The following LARGE1 variants were observed in gnomAD, a reference collection of about 807,000 sequenced individuals.
LARGE1 encodes the protein LARGE xylosyl- and glucuronyltransferase 1, also known as xylosyl- and glucuronyltransferase LARGE1.
Under a neutral mutation model 87.6 loss-of-function variants are expected in LARGE1, and 43 were observed. The observed-to-expected ratio is 0.49, with a 90% CI of 0.38 to 0.63. The LOEUF is 0.63. Ranked by LOEUF, LARGE1 falls within the 30% of genes least tolerant of loss-of-function variation. LARGE1 has a pLI of 0.00. For synonymous variants in LARGE1, 434 were observed against 394.6 expected, an observed-to-expected ratio of 1.10 and a Z score of -1.18; for missense variants, 802 against 1,000.2, an observed-to-expected ratio of 0.80 and a Z score of 2.67.
At chr22:33,703,979 G>T (rs1235077366) in intron 2 of LARGE1, among the ~76,000 whole-genome samples, 1 of 152,216 alleles carries the variant, frequency 6.6e-6, no homozygotes, top group Non-Finnish European at 1.5e-5. Context: ...CAAGTCATGG[G>T]AGGATCTGTG....
At chr22:33,327,788 C>G (rs940482502) in intron 10 of LARGE1, among the ~76,000 whole-genome samples, 1 of 152,170 alleles carries the variant, frequency 6.6e-6, no homozygotes, top group African/African-American at 2.4e-5. Flanking sequence ...AGTGATCTTC[C>G]TGCCTCAGCC....
intron 5 of LARGE1, among the ~76,000 whole-genome samples, chr22:33,586,051 T>C (rs1388790153): frequency 6.6e-6 from 1 of 152,210 alleles, no homozygotes; most frequent in Non-Finnish European, 1.5e-5. Context: ...GGAGTTTGGG[T>C]TGGATCACGT....
At chr22:33,849,674 C>G (rs1298061963) in intron 1 of LARGE1, among the ~76,000 whole-genome samples, 1 of 139,358 alleles carries the variant, frequency 7.2e-6, no homozygotes, top group East Asian at 2.2e-4. Context: ...TCTTGGCTCA[C>G]TGCAACCTCT....
At chr22:33,884,562 C>A (rs1388063101) in intron 1 of LARGE1, among the ~76,000 whole-genome samples, 1 of 152,220 alleles carries the variant, frequency 6.6e-6, no homozygotes, top group South Asian at 2.1e-4. Flanking sequence ...CTGTGGGAGA[C>A]CGGGCAAGAC....
chr22:33,389,441 G>T (rs868350912), intron 7 of LARGE1, among the ~76,000 whole-genome samples: 1 of 152,214 alleles, frequency 6.6e-6, no homozygotes, highest in Non-Finnish European at 1.5e-5. Flanking sequence ...TGATTTTGTT[G>T]GCACTTGTCA....
intron 1 of LARGE1, among the ~76,000 whole-genome samples, chr22:33,840,526 T>C (rs2063250150): frequency 6.6e-6 from 1 of 152,316 alleles, no homozygotes; most frequent in South Asian, 2.1e-4. Context: ...TGTGAAAGGT[T>C]CTAGCATCTT....
chr22:33,253,015 G>A (rs951307194), intron 11 of LARGE1, among the ~76,000 whole-genome samples: 58 of 152,150 alleles, frequency 3.8e-4, no homozygotes, highest in African/African-American at 1.4e-3. Flanking sequence ...CCATTAGAAT[G>A]GGGAGATTAT....
chr22:33,512,775 C>T (rs1312789913), intron 6 of LARGE1, among the ~76,000 whole-genome samples: 1 of 152,144 alleles, frequency 6.6e-6, no homozygotes, highest in Admixed American at 6.5e-5. Flanking sequence ...TACACTCCAG[C>T]CTAGGTGACA....
At chr22:33,512,056 T>C (rs1280889595) in intron 6 of LARGE1, among the ~76,000 whole-genome samples, 1 of 152,190 alleles carries the variant, frequency 6.6e-6, no homozygotes, top group Non-Finnish European at 1.5e-5. Flanking sequence ...AAAATTAATG[T>C]CATAGAACTT....
intron 9 of LARGE1, among the ~76,000 whole-genome samples, chr22:33,373,848 C>G (rs2064902900): frequency 6.6e-6 from 1 of 151,790 alleles, no homozygotes; most frequent in South Asian, 2.1e-4. Flanking sequence ...GTGGCACGCG[C>G]TTGTAGTTCC....
chr22:33,518,201 C>G (rs1240683676), intron 6 of LARGE1, among the ~76,000 whole-genome samples: 1 of 152,248 alleles, frequency 6.6e-6, no homozygotes, highest in African/African-American at 2.4e-5. Context: ...AGGAACTCAT[C>G]TGTGTGTCAC....
intron 1 of LARGE1, among the ~76,000 whole-genome samples, chr22:33,866,286 T>C (rs1364120846): frequency 6.6e-6 from 1 of 152,208 alleles, no homozygotes; most frequent in Non-Finnish European, 1.5e-5. Context: ...AGAGACAGCA[T>C]ATAGGGGGCT....
chr22:33,436,644 A>G (rs1186037740), intron 6 of LARGE1: 1 of 153,014 alleles, frequency 6.5e-6, no homozygotes, highest in Non-Finnish European at 1.5e-5. Flanking sequence ...GGTGACAGAT[A>G]ACTCCTTCCA....
intron 12 of LARGE1, among the ~76,000 whole-genome samples, chr22:33,303,815 G>GGT (rs1555892185): frequency 2.0e-5 from 3 of 150,892 alleles, no homozygotes; most frequent in African/African-American, 4.9e-5. Flanking sequence ...AGTAGGGGGG[G>GGT]GGTTTCACCA....
intron 1 of LARGE1, among the ~76,000 whole-genome samples, chr22:33,827,178 C>T (rs5999114): frequency 1.2e-3 from 183 of 150,962 alleles, no homozygotes; most frequent in African/African-American, 4.0e-3. Context: ...CTAGCTAACA[C>T]GGTGAAACCC....
At chr22:33,453,560 A>G (rs1481368291) in intron 6 of LARGE1, among the ~76,000 whole-genome samples, 2 of 152,222 alleles carry the variant, frequency 1.3e-5, no homozygotes, top group African/African-American at 4.8e-5. Flanking sequence ...AGCTACAGTC[A>G]GTGAGATAAT....
intron 3 of LARGE1, 24 bp from the exon 4 acceptor site, chr22:33,626,350 G>A (rs1180762980): frequency 1.1e-5 from 18 of 1,597,878 alleles, no homozygotes; most frequent in Non-Finnish European, 1.5e-5. Context: ...AAGACGGGGT[G>A]AGCAGTCAGA....
At chr22:33,304,083 G>A (rs1482237722) in intron 12 of LARGE1, 146 bp downstream of exon 12, 3 of 872,672 alleles carry the variant, frequency 3.4e-6, no homozygotes, top group Non-Finnish European at 5.3e-6. Flanking sequence ...CTGTGGGCAG[G>A]TCCCTTCCCC....
chr22:33,299,174 T>G (rs370220418), intron 12 of LARGE1, among the ~76,000 whole-genome samples: 1 of 150,246 alleles, frequency 6.7e-6, no homozygotes, highest in East Asian at 2.0e-4. Context: ...GATTGCACCA[T>G]TCCACTCCAG....
Sources: gnomAD v4.1 joint callset for allele counts (sites outside exome capture counted in the v4.1 genomes callset) on GRCh38, gnomAD v4.1.1 for gene constraint, MANE v1.5 for transcripts, NCBI Gene and HGNC (gene_info 2026-07-23, HGNC 2026-07-21) for gene names.